SCHIP1: variants seen among roughly 807,000 people sequenced by gnomAD.
SCHIP1 encodes the protein schwannomin interacting protein 1.
SCHIP1 carries 8 observed loss-of-function variants against 29.7 expected under a neutral mutation model. The ratio of observed to expected loss-of-function variants is 0.27; its 90% CI spans 0.16 to 0.49. SCHIP1 has a LOEUF of 0.49. SCHIP1 is among the 20% of genes least tolerant of loss of function. SCHIP1 has a pLI of 0.99. For missense variants in SCHIP1, 193 were observed against 294.6 expected, an observed-to-expected ratio of 0.66 and a Z score of 2.52; for synonymous variants, 76 against 94.9, an observed-to-expected ratio of 0.80 and a Z score of 1.16.
At chr3:159,834,198 T>C in the SCHIP1 span, among the ~76,000 whole-genome samples, 1 of 152,176 alleles carries the variant, frequency 6.6e-6, no homozygotes, top group African/African-American at 2.4e-5. Context: ...ATGTCAGACA[T>C]TGGGGATATA....
chr3:159,835,547 G>C (rs1274449793), upstream of SCHIP1, among the ~76,000 whole-genome samples: 1 of 152,188 alleles, frequency 6.6e-6, no homozygotes, highest in African/African-American at 2.4e-5. Flanking sequence ...TTCAAAGTAA[G>C]TTGCAGACAT....
chr3:159,496,497 T>G, the SCHIP1 span, among the ~76,000 whole-genome samples: 1 of 151,976 alleles, frequency 6.6e-6, no homozygotes, highest in Non-Finnish European at 1.5e-5. Flanking sequence ...AAAAAACACA[T>G]GAAAAAATGC....
chr3:159,363,063 A>G, the SCHIP1 span, among the ~76,000 whole-genome samples: 77 of 152,250 alleles, frequency 5.1e-4, no homozygotes, highest in African/African-American at 1.8e-3. Flanking sequence ...AATATTCCCA[A>G]TGGCAACCCC....
At chr3:159,768,929 C>A in the SCHIP1 span, among the ~76,000 whole-genome samples, 1 of 152,236 alleles carries the variant, frequency 6.6e-6, no homozygotes, top group Non-Finnish European at 1.5e-5. Context: ...TGGGCAGCCC[C>A]TGCTCATCTG....
At chr3:159,341,377 C>A in the SCHIP1 span, among the ~76,000 whole-genome samples, 1 of 152,106 alleles carries the variant, frequency 6.6e-6, no homozygotes, top group East Asian at 1.9e-4. Flanking sequence ...TGGGCAAATA[C>A]CTTAAAGAAA....
chr3:159,660,862 C>T, the SCHIP1 span, among the ~76,000 whole-genome samples: 1 of 152,164 alleles, frequency 6.6e-6, no homozygotes, highest in Admixed American at 6.5e-5. Context: ...AATCAGCCCA[C>T]AGAATCAGGC....
At chr3:159,677,603 T>C in the SCHIP1 span, among the ~76,000 whole-genome samples, 9 of 152,220 alleles carry the variant, frequency 5.9e-5, no homozygotes, top group African/African-American at 2.2e-4. Flanking sequence ...GTAGCTTAAT[T>C]GAAAACTTCT....
chr3:159,427,191 T>G, the SCHIP1 span, among the ~76,000 whole-genome samples: 18 of 151,778 alleles, frequency 1.2e-4, no homozygotes, highest in African/African-American at 3.1e-4. Flanking sequence ...TGTTGGAAGT[T>G]CTGGCCAGGG....
chr3:159,354,662 C>G, the SCHIP1 span, among the ~76,000 whole-genome samples: 1 of 152,086 alleles, frequency 6.6e-6, no homozygotes, highest in Non-Finnish European at 1.5e-5. Context: ...CTGATGATGC[C>G]TGAGTAACTC....
the SCHIP1 span, among the ~76,000 whole-genome samples, chr3:159,561,402 C>T: frequency 6.6e-6 from 1 of 152,188 alleles, no homozygotes; most frequent in African/African-American, 2.4e-5. Context: ...TTCTTAAACA[C>T]CTTGCAGTGG....
the SCHIP1 span, among the ~76,000 whole-genome samples, chr3:159,828,362 T>G: frequency 4.9e-5 from 2 of 40,984 alleles, 1 homozygote; most frequent in Non-Finnish European, 9.4e-5. Flanking sequence ...GTGTAACCTT[T>G]ATATATATAT....
the SCHIP1 span, among the ~76,000 whole-genome samples, chr3:159,785,654 T>G: frequency 6.6e-6 from 1 of 151,566 alleles, no homozygotes; most frequent in South Asian, 2.1e-4. Context: ...CAGATTCAAG[T>G]GTTGCAATAG....
the SCHIP1 span, among the ~76,000 whole-genome samples, chr3:159,643,577 A>C: frequency 6.6e-6 from 1 of 152,260 alleles, no homozygotes; most frequent in East Asian, 1.9e-4. Context: ...TGGCATGAGG[A>C]AAGAGATTAT....
chr3:159,586,076 G>A, the SCHIP1 span, among the ~76,000 whole-genome samples: 1 of 152,076 alleles, frequency 6.6e-6, no homozygotes, highest in African/African-American at 2.4e-5. Context: ...AAATTAATAA[G>A]CTTTGGTTTT....
At chr3:159,439,655 T>C in the SCHIP1 span, among the ~76,000 whole-genome samples, 1 of 152,336 alleles carries the variant, frequency 6.6e-6, no homozygotes, top group South Asian at 2.1e-4. Context: ...CTTTTTATCA[T>C]ATATTTGTTG....
the SCHIP1 span, among the ~76,000 whole-genome samples, chr3:159,288,645 G>A: frequency 6.6e-6 from 1 of 152,226 alleles, no homozygotes; most frequent in Non-Finnish European, 1.5e-5. Flanking sequence ...GGCTGAGGCA[G>A]GAGAATTGCT....
chr3:159,409,515 A>G, the SCHIP1 span, among the ~76,000 whole-genome samples: 1 of 152,128 alleles, frequency 6.6e-6, no homozygotes, highest in Non-Finnish European at 1.5e-5. Context: ...AAGAAATTTA[A>G]AAACTAGTCT....
the SCHIP1 span, among the ~76,000 whole-genome samples, chr3:159,539,848 A>G: frequency 1.2e-5 from 1 of 83,782 alleles, no homozygotes; most frequent in Admixed American, 1.2e-4. Context: ...ATTTTGGCTA[A>G]AAATCTTACA....
chr3:159,805,894 C>T, the SCHIP1 span, among the ~76,000 whole-genome samples: 2 of 151,686 alleles, frequency 1.3e-5, no homozygotes, highest in Non-Finnish European at 1.5e-5. Flanking sequence ...CTGCAACCTC[C>T]GCCTCCCAGG....
Sources: gnomAD v4.1 joint callset for allele counts (sites outside exome capture counted in the v4.1 genomes callset) on GRCh38, gnomAD v4.1.1 for gene constraint, MANE v1.5 for transcripts, NCBI Gene and HGNC (gene_info 2026-07-23, HGNC 2026-07-21) for gene names.